Variants in WASF1 observed in about 807,000 individuals in gnomAD.
WASF1 encodes actin-binding protein WASF1.
WASF1 carries 7 observed loss-of-function variants against 50.5 expected under a neutral mutation model. The ratio of observed to expected loss-of-function variants is 0.14; its 90% CI spans 0.08 to 0.26. The LOEUF (loss-of-function observed/expected upper bound fraction) is 0.26. WASF1 is among the 10% of genes least tolerant of loss of function. The pLI, the probability that WASF1 is intolerant of heterozygous loss-of-function variation, is 1.00. For missense variants in WASF1, 470 were observed against 694.7 expected (o/e 0.68, Z 3.64); for synonymous variants, 205 against 244.0 (o/e 0.84, Z 1.49).
At chr6:110,121,278 A>G (rs188770302) in intron 4 of WASF1, among the ~76,000 whole-genome samples, 7 of 152,342 alleles carry the variant, frequency 4.6e-5, no homozygotes, top group Admixed American at 2.0e-4. Flanking sequence ...AATCCTTGCA[A>G]TCTACCCATC....
chr6:110,111,609 A>G (rs886757110), intron 5 of WASF1, among the ~76,000 whole-genome samples: 8 of 152,332 alleles, frequency 5.3e-5, no homozygotes, highest in African/African-American at 1.4e-4. Flanking sequence ...AATACATGCT[A>G]TATGAATGAA....
At chr6:110,175,864 A>G (rs1221612192) in intron 2 of WASF1, among the ~76,000 whole-genome samples, 1 of 152,158 alleles carries the variant, frequency 6.6e-6, no homozygotes, top group Admixed American at 6.5e-5. Flanking sequence ...TATTTTTCCC[A>G]TAGAAAGACT....
At chr6:110,134,700 A>G (rs1331780475) in intron 3 of WASF1, among the ~76,000 whole-genome samples, 1 of 152,168 alleles carries the variant, frequency 6.6e-6, no homozygotes, top group Non-Finnish European at 1.5e-5. Flanking sequence ...TGCAGGGATT[A>G]CAGGTGTGAG....
chr6:110,129,837 AAG>A (rs1046253876), intron 3 of WASF1, among the ~76,000 whole-genome samples: 5 of 152,232 alleles, frequency 3.3e-5, no homozygotes, highest in African/African-American at 1.2e-4. Flanking sequence ...CCTACAATAG[AAG>A]AGGTTTTACT....
At chr6:110,139,229 C>A (rs1775108852) in intron 3 of WASF1, among the ~76,000 whole-genome samples, 1 of 152,194 alleles carries the variant, frequency 6.6e-6, no homozygotes, top group Admixed American at 6.5e-5. Flanking sequence ...GGAGCAGGCA[C>A]TTCCAAGCCT....
At chr6:110,152,944 T>C (rs886697388) in intron 3 of WASF1, among the ~76,000 whole-genome samples, 13 of 152,176 alleles carry the variant, frequency 8.5e-5, no homozygotes, top group African/African-American at 2.9e-4. Flanking sequence ...CCTGTCACCA[T>C]AGATTAATTT....
At chr6:110,136,357 C>T (rs1271989792) in intron 3 of WASF1, among the ~76,000 whole-genome samples, 1 of 152,136 alleles carries the variant, frequency 6.6e-6, no homozygotes, top group Non-Finnish European at 1.5e-5. Context: ...TCCAGGGATA[C>T]TGAAAAAGAA....
chr6:110,171,309 T>C (rs1238119579), intron 2 of WASF1, among the ~76,000 whole-genome samples: 1 of 152,116 alleles, frequency 6.6e-6, no homozygotes, highest in Admixed American at 6.5e-5. Context: ...CATTTGGAGA[T>C]TAAACATCAC....
intron 2 of WASF1, among the ~76,000 whole-genome samples, chr6:110,170,670 TAAAAA>T (rs57889902): frequency 6.8e-6 from 1 of 147,516 alleles, no homozygotes; most frequent in Non-Finnish European, 1.5e-5. Context: ...CAGAGTAGAT[TAAAAA>T]AAAAAGACCT....
At chr6:110,174,030 T>C (rs1482331041) in intron 2 of WASF1, among the ~76,000 whole-genome samples, 2 of 152,144 alleles carry the variant, frequency 1.3e-5, no homozygotes, top group South Asian at 2.1e-4. Flanking sequence ...CCTTCCCCAA[T>C]AGACTTAAAA....
intron 4 of WASF1, among the ~76,000 whole-genome samples, chr6:110,124,806 T>G (rs1213203224): frequency 6.6e-6 from 1 of 152,004 alleles, no homozygotes; most frequent in Non-Finnish European, 1.5e-5. Context: ...GCGGCTTTGG[T>G]GGCTGAGGTA....
chr6:110,147,076 G>A (rs1472134869), intron 3 of WASF1, among the ~76,000 whole-genome samples: 11 of 152,002 alleles, frequency 7.2e-5, no homozygotes, highest in African/African-American at 1.5e-4. Flanking sequence ...GGCCAGGCGC[G>A]GTGGCTCACA....
chr6:110,155,338 T>G (rs1386570626), intron 3 of WASF1, among the ~76,000 whole-genome samples: 1 of 152,078 alleles, frequency 6.6e-6, no homozygotes, highest in African/African-American at 2.4e-5. Flanking sequence ...TAAACTATTT[T>G]GCCATTATCA....
intron 4 of WASF1, among the ~76,000 whole-genome samples, chr6:110,124,447 G>A (rs78571077): frequency 0.032 from 4,845 of 150,220 alleles, 141 homozygotes; most frequent in South Asian, 0.12. Flanking sequence ...CTTCCTCATC[G>A]TGAGACAAGA....
chr6:110,152,830 A>G (rs994983254), intron 3 of WASF1, among the ~76,000 whole-genome samples: 1 of 152,242 alleles, frequency 6.6e-6, no homozygotes, highest in Admixed American at 6.5e-5. Context: ...GATTAGGTTT[A>G]TAACAGTTTT....
At chr6:110,123,009 TTC>T (rs1774209386) in intron 4 of WASF1, among the ~76,000 whole-genome samples, 1 of 152,182 alleles carries the variant, frequency 6.6e-6, no homozygotes, top group South Asian at 2.1e-4. Flanking sequence ...TTCTACTACT[TTC>T]TGTTAAATGA....
chr6:110,169,691 G>A (rs1189724731), intron 2 of WASF1, among the ~76,000 whole-genome samples: 1 of 152,092 alleles, frequency 6.6e-6, no homozygotes, highest in East Asian at 1.9e-4. Context: ...TAAGTCAGGG[G>A]TAAGCCCAAG....
intron 2 of WASF1, among the ~76,000 whole-genome samples, chr6:110,173,333 A>T (rs1335214633): frequency 6.6e-6 from 1 of 152,136 alleles, no homozygotes; most frequent in East Asian, 1.9e-4. Flanking sequence ...AAAACAAAAA[A>T]ACTTTGCTGT....
intron 3 of WASF1, among the ~76,000 whole-genome samples, chr6:110,151,692 T>A (rs1775832922): frequency 6.6e-6 from 1 of 152,186 alleles, no homozygotes; most frequent in African/African-American, 2.4e-5. Context: ...CTTAAAAAAC[T>A]TACAAAATCA....
Sources: allele counts gnomAD v4.1 joint callset (sites outside exome capture counted in the v4.1 genomes callset), GRCh38; gene constraint gnomAD v4.1.1; transcripts MANE v1.5; gene names NCBI Gene and HGNC (gene_info 2026-07-23, HGNC 2026-07-21).